Variants in TAOK3 observed in about 807,000 individuals in gnomAD.
TAOK3 encodes serine/threonine-protein kinase TAO3.
In TAOK3, 40 loss-of-function variants were observed where a neutral mutation model predicts 120.4. The observed-to-expected ratio is 0.33, with a 90% confidence interval of 0.26 to 0.43. TAOK3 has a LOEUF of 0.43. Among genes scored for constraint, TAOK3 ranks in the 20% least tolerant of loss-of-function variants. The probability of loss-of-function intolerance (pLI) is 1.00; values close to 1 mark genes in which losing one functional copy is unlikely to be tolerated. For synonymous variants in TAOK3, 355 were observed against 387.5 expected (o/e 0.92, Z 0.99); for missense variants, 821 against 1,112.1 (o/e 0.74, Z 3.72).
At chr12:118,342,873 A>G (rs982464950) in intron 1 of TAOK3, among the ~76,000 whole-genome samples, 4 of 149,194 alleles carry the variant, frequency 2.7e-5, no homozygotes, top group African/African-American at 4.9e-5. Flanking sequence ...GGCCAAGGTT[A>G]CAGTGAGTGG....
intron 10 of TAOK3, 113 bp downstream of exon 10, chr12:118,213,904 A>T: frequency 1.1e-6 from 1 of 880,884 alleles, no homozygotes; most frequent in Non-Finnish European, 1.8e-6. Flanking sequence ...GTAACAACAT[A>T]CAGTGAAGGA....
chr12:118,210,740 CT>C (rs972130210), intron 11 of TAOK3, among the ~76,000 whole-genome samples: 342 of 139,042 alleles, frequency 2.5e-3, no homozygotes, highest in African/African-American at 4.0e-3. Flanking sequence ...TTTCTTTTTT[CT>C]TTTTTTTTTT....
At chr12:118,343,919 GGA>G (rs1402162119) in intron 1 of TAOK3, among the ~76,000 whole-genome samples, 4 of 151,750 alleles carry the variant, frequency 2.6e-5, no homozygotes, top group African/African-American at 9.7e-5. Context: ...GGCTGAGGCA[GGA>G]GAATGGCATG....
intron 20 of TAOK3, 90 bp from the exon 21 acceptor site, chr12:118,151,248 A>C: frequency 7.4e-7 from 1 of 1,351,160 alleles, no homozygotes; most frequent in Non-Finnish European, 1.0e-6. Flanking sequence ...CACATATGAC[A>C]TGCACACACA....
intron 1 of TAOK3, among the ~76,000 whole-genome samples, chr12:118,294,517 C>T (rs538555272): frequency 5.9e-5 from 9 of 151,936 alleles, no homozygotes; most frequent in South Asian, 2.1e-4. Context: ...CCTAGTTGCT[C>T]GGACTACAGG....
chr12:118,195,115 C>T (rs1388093441), intron 13 of TAOK3, among the ~76,000 whole-genome samples: 1 of 151,290 alleles, frequency 6.6e-6, no homozygotes, highest in Non-Finnish European at 1.5e-5. Context: ...AAGTGTTGTC[C>T]CATTAAAAAA....
chr12:118,368,320 C>T (rs1381800393), intron 1 of TAOK3, among the ~76,000 whole-genome samples: 1 of 152,042 alleles, frequency 6.6e-6, no homozygotes, highest in African/African-American at 2.4e-5. Context: ...CCTCAGCCTC[C>T]CGGGTAGCTG....
At chr12:118,333,826 G>A (rs2141045683) in intron 1 of TAOK3, among the ~76,000 whole-genome samples, 1 of 149,466 alleles carries the variant, frequency 6.7e-6, no homozygotes, top group South Asian at 2.1e-4. Context: ...CCAGTTCTGG[G>A]TATTTTATAA....
intron 2 of TAOK3, among the ~76,000 whole-genome samples, chr12:118,259,274 G>A (rs916254713): frequency 3.9e-5 from 6 of 152,110 alleles, no homozygotes; most frequent in African/African-American, 7.2e-5. Flanking sequence ...GGCCAGCCAC[G>A]GTGACTCATG....
chr12:118,269,541 T>C (rs1412514666), intron 1 of TAOK3, among the ~76,000 whole-genome samples: 3 of 152,044 alleles, frequency 2.0e-5, no homozygotes, highest in Admixed American at 6.6e-5. Flanking sequence ...TGGCTAATTT[T>C]GTATTTTTAG....
intron 17 of TAOK3, among the ~76,000 whole-genome samples, chr12:118,164,439 C>T (rs537989370): frequency 1.5e-4 from 23 of 152,110 alleles, no homozygotes; most frequent in African/African-American, 2.6e-4. Context: ...ATTTTTGAGA[C>T]GGAGTTTCTA....
chr12:118,213,075 G>A, intron 10 of TAOK3, 80 bp from the exon 11 acceptor site: 1 of 900,940 alleles, frequency 1.1e-6, no homozygotes, highest in Non-Finnish European at 1.6e-6. Context: ...TTTCATTCAA[G>A]GGAAAATTTT....
chr12:118,290,908 T>C (rs75043238), intron 1 of TAOK3, among the ~76,000 whole-genome samples: 14 of 151,684 alleles, frequency 9.2e-5, no homozygotes, highest in South Asian at 2.1e-4. Flanking sequence ...TTTTTTTTTT[T>C]CCTGAGACGG....
At chr12:118,337,044 A>G (rs928159237) in intron 1 of TAOK3, among the ~76,000 whole-genome samples, 2 of 152,234 alleles carry the variant, frequency 1.3e-5, no homozygotes, top group African/African-American at 4.8e-5. Flanking sequence ...TGGGCAACAG[A>G]AGGAGACTCT....
chr12:118,152,107 G>T, intron 20 of TAOK3, 120 bp downstream of exon 20: 1 of 920,140 alleles, frequency 1.1e-6, no homozygotes, highest in Non-Finnish European at 1.6e-6. Flanking sequence ...GTAGCATAAA[G>T]CAGATAAGTG....
chr12:118,231,876 T>C (rs944562053), intron 9 of TAOK3, among the ~76,000 whole-genome samples: 9 of 151,576 alleles, frequency 5.9e-5, no homozygotes, highest in East Asian at 1.9e-4. Flanking sequence ...TGAGCCAAGA[T>C]TGCACTGCTG....
chr12:118,203,024 C>T (rs946237961), intron 11 of TAOK3, among the ~76,000 whole-genome samples: 1 of 152,026 alleles, frequency 6.6e-6, no homozygotes, highest in African/African-American at 2.4e-5. Context: ...AAGTGATCCA[C>T]CCGCCTCAGC....
chr12:118,223,305 C>T (rs1001230749), intron 9 of TAOK3, among the ~76,000 whole-genome samples: 2 of 151,024 alleles, frequency 1.3e-5, no homozygotes, highest in African/African-American at 4.9e-5. Context: ...GTGATCCGCC[C>T]GCCTCGGCCT....
chr12:118,166,802 A>G (rs1040587759), intron 17 of TAOK3, among the ~76,000 whole-genome samples: 4 of 141,548 alleles, frequency 2.8e-5, no homozygotes, highest in Admixed American at 2.2e-4. Flanking sequence ...TACTCAATGT[A>G]TGTGTGTGTG....
Sources: allele counts gnomAD v4.1 joint callset (sites outside exome capture counted in the v4.1 genomes callset), GRCh38; gene constraint gnomAD v4.1.1; transcripts MANE v1.5; gene names NCBI Gene and HGNC (gene_info 2026-07-23, HGNC 2026-07-21).